Variants in SNX24 observed in about 807,000 individuals in gnomAD.
SNX24 encodes the protein sorting nexin-24.
In SNX24, 22 loss-of-function variants were observed where a neutral mutation model predicts 28.7. That is an observed-to-expected ratio of 0.77 (90% confidence interval 0.55 to 1.10). SNX24 has a LOEUF of 1.10. SNX24 is among the 50% of genes least tolerant of loss of function. SNX24 has a pLI of 0.00. For synonymous variants in SNX24, 69 were observed against 71.5 expected (o/e 0.96, Z 0.18); for missense variants, 221 against 201.1 (o/e 1.10, Z -0.60).
At chr5:122,973,651 A>G (rs1761047352) in intron 3 of SNX24, among the ~76,000 whole-genome samples, 1 of 152,212 alleles carries the variant, frequency 6.6e-6, no homozygotes, top group Non-Finnish European at 1.5e-5. Flanking sequence ...TTTAATGGTG[A>G]AAAGCTGCTG....
chr5:122,900,004 CAA>C (rs1757364512), intron 1 of SNX24, among the ~76,000 whole-genome samples: 1 of 151,984 alleles, frequency 6.6e-6, no homozygotes, highest in Non-Finnish European at 1.5e-5. Flanking sequence ...TTAAGATGTG[CAA>C]TATGGTGTGG....
In SNX24 at chr5:123,008,905, TC is replaced by T. The variant is rs1370026552; in HGVS notation, c.*1157del. On this transcript the variant is annotated 3_prime_UTR_variant, in exon 7 of 7. Transcript: ENST00000261369. ...GCTGTATGTGGGCATTTCATTGAGA[TC>T]TAATTAATAGCTAGCCTATTTATGG... The T allele has an allele frequency of 3.0e-6, 3 of 984,554 alleles. No individual in the cohort carries two copies. The highest frequency in any genetic ancestry group is 3.6e-6 in the Non-Finnish European group (3 of 828,858). 61.0% of individuals were successfully genotyped at this position (984,554 alleles called of 1,614,324 possible). A position where few individuals can be genotyped will look rare whatever the true frequency, so the allele number is the denominator to read the frequency against.
At chr5:123,026,042 T>A in intron 5 of SNX24, 1 of 1,245,486 alleles carries the variant, frequency 8.0e-7, no homozygotes, top group Admixed American at 2.9e-5. Context: ...CATAAGGCCT[T>A]AGAGGAATCA....
At chr5:122,902,583 C>T (rs934895545) in intron 1 of SNX24, among the ~76,000 whole-genome samples, 2 of 152,120 alleles carry the variant, frequency 1.3e-5, no homozygotes, top group Non-Finnish European at 2.9e-5. Context: ...TCTCTGTACA[C>T]TTATGTTCTA....
chr5:123,009,179 G>A lies in SNX24; in HGVS notation c.*1430G>A. 1.0e-6 allele frequency: 1 copy of A among 983,882 alleles called. No individual in the cohort carries two copies. Among genetic ancestry groups the A allele is most frequent in the Non-Finnish European group, 1.2e-6 (1 of 828,312 alleles). 60.9% of individuals were successfully genotyped at this position (983,882 alleles called of 1,614,324 possible). Reference sequence around the variant, plus strand: ...ATGTTTTTATGTTATTAGCTATTTGGAGTTAAATAAAAACAGAACAAGGAA... The same window carrying A: ...ATGTTTTTATGTTATTAGCTATTTGAAGTTAAATAAAAACAGAACAAGGAA... On this transcript the variant is annotated 3_prime_UTR_variant, in exon 7 of 7. Transcript: ENST00000261369.
chr5:122,852,116 A>G (rs939969694), intron 1 of SNX24, among the ~76,000 whole-genome samples: 1 of 149,956 alleles, frequency 6.7e-6, no homozygotes, highest in Non-Finnish European at 1.5e-5. Context: ...ATATCTATCT[A>G]TATCTATATC....
intron 3 of SNX24, among the ~76,000 whole-genome samples, chr5:122,951,175 G>A (rs1433647991): frequency 1.3e-5 from 2 of 150,316 alleles, no homozygotes; most frequent in African/African-American, 2.4e-5. Flanking sequence ...GCTGAGGCAG[G>A]AGAATGGCGT....
At chr5:122,906,411 C>T (rs1757647431) in intron 1 of SNX24, among the ~76,000 whole-genome samples, 1 of 152,140 alleles carries the variant, frequency 6.6e-6, no homozygotes, top group Admixed American at 6.5e-5. Context: ...TCCAGGTAGG[C>T]CTAGAACAGA....
intron 1 of SNX24, among the ~76,000 whole-genome samples, chr5:122,868,040 G>GTGTACT (rs778270246): frequency 6.6e-6 from 1 of 152,246 alleles, no homozygotes; most frequent in African/African-American, 2.4e-5. Context: ...GAGAGGGACA[G>GTGTACT]TGTACTGCAG....
At chr5:122,979,415 A>G (rs1341103334) in intron 3 of SNX24, among the ~76,000 whole-genome samples, 1 of 152,278 alleles carries the variant, frequency 6.6e-6, no homozygotes, top group East Asian at 1.9e-4. Context: ...TGCCCACTGC[A>G]TTGTGAAAAG....
At chr5:123,000,383 A>C (rs1321486061) in intron 4 of SNX24, among the ~76,000 whole-genome samples, 1 of 152,254 alleles carries the variant, frequency 6.6e-6, no homozygotes, top group African/African-American at 2.4e-5. Flanking sequence ...TATAATTTTA[A>C]AGTTATGAAT....
intron 1 of SNX24, among the ~76,000 whole-genome samples, chr5:122,850,462 T>C (rs1445058412): frequency 1.3e-5 from 2 of 152,180 alleles, no homozygotes; most frequent in Non-Finnish European, 1.5e-5. Flanking sequence ...ACTGTAGCGA[T>C]GATTCTGGAG....
intron 2 of SNX24, among the ~76,000 whole-genome samples, chr5:122,940,484 T>A (rs1759393943): frequency 6.6e-6 from 1 of 152,194 alleles, no homozygotes; most frequent in African/African-American, 2.4e-5. Flanking sequence ...ATCATAGATA[T>A]TGACCCTCAA....
chr5:122,936,921 A>G lies in SNX24; in HGVS notation c.144+104A>G, dbSNP rs1271555641. 6 of 549,326 alleles carry G rather than the reference A, an allele frequency of 1.1e-5. No homozygotes were observed. The East Asian group carries it at 1.5e-4, about 14-fold the overall frequency. 34.0% of individuals were successfully genotyped at this position (549,326 alleles called of 1,614,324 possible). A position where few individuals can be genotyped will look rare whatever the true frequency, so the allele number is the denominator to read the frequency against. ...CTAAGACCATTGATATTTCTTGTGTATGTATATACATTTTCTTTTATCATA... is the reference window on the plus strand; with the variant it reads ...CTAAGACCATTGATATTTCTTGTGTGTGTATATACATTTTCTTTTATCATA... On this transcript the variant is annotated intron_variant, in intron 2 of 6. Coordinates refer to ENST00000261369, the MANE Select transcript of SNX24 (RefSeq NM_014035.4).
intron 1 of SNX24, among the ~76,000 whole-genome samples, chr5:122,879,998 A>T (rs1756403927): frequency 6.6e-6 from 1 of 152,156 alleles, no homozygotes; most frequent in African/African-American, 2.4e-5. Flanking sequence ...ACCATTGTAG[A>T]TTTTTTCAAA....
intron 1 of SNX24, among the ~76,000 whole-genome samples, chr5:122,908,558 T>C (rs1346261665): frequency 6.6e-6 from 1 of 152,224 alleles, no homozygotes; most frequent in Admixed American, 6.5e-5. Flanking sequence ...ATATAGACTG[T>C]ATAAAATATA....
chr5:122,958,936 G>A (rs1409222949), intron 3 of SNX24, among the ~76,000 whole-genome samples: 2 of 152,102 alleles, frequency 1.3e-5, no homozygotes, highest in African/African-American at 4.8e-5. Context: ...TGCTCGTCAG[G>A]AATTTTTGTC....
chr5:122,973,472 A>G (rs1031386028), intron 3 of SNX24, among the ~76,000 whole-genome samples: 4 of 152,190 alleles, frequency 2.6e-5, no homozygotes, highest in Admixed American at 6.5e-5. Context: ...GGACCTAGTC[A>G]TCTCTTCCAC....
intron 3 of SNX24, among the ~76,000 whole-genome samples, chr5:122,987,590 C>G (rs1398425129): frequency 6.6e-6 from 1 of 152,060 alleles, no homozygotes; most frequent in Non-Finnish European, 1.5e-5. Context: ...TGAGCTGTCC[C>G]GAGTACAGCA....
Sources: allele counts gnomAD v4.1 joint callset (sites outside exome capture counted in the v4.1 genomes callset), GRCh38; gene constraint gnomAD v4.1.1; transcripts MANE v1.5; gene names NCBI Gene and HGNC (gene_info 2026-07-23, HGNC 2026-07-21).